The following SLC37A2 variants were observed in gnomAD, a reference collection of about 807,000 sequenced individuals.
SLC37A2 encodes solute carrier family 37 member 2.
SLC37A2 carries 59 observed loss-of-function variants against 70.7 expected under a neutral mutation model. The observed-to-expected ratio is 0.83, with a 90% confidence interval of 0.68 to 1.04. SLC37A2 has a LOEUF of 1.04. Ranked by LOEUF, SLC37A2 falls within the 50% of genes least tolerant of loss-of-function variation. The pLI is 0.00. For missense variants in SLC37A2, 580 were observed against 658.1 expected (o/e 0.88, Z 1.30); for synonymous variants, 257 against 262.1 (o/e 0.98, Z 0.19).
rs1949131394 is a variant in SLC37A2, at chr11:125,080,158, A to G, written c.527+398A>G. ...TGGACCCTTGTTTGGGGACTGTCCT[A>G]CCACTGCAGGCTGTTTAGTAGTAGC... On this transcript the variant is annotated intron_variant, in intron 6 of 17. Transcript: ENST00000403796. The surrounding 1 kb of genome is among the most constrained non-coding windows in gnomAD (Gnocchi z 4.3). 6.6e-6 allele frequency among the ~76,000 whole-genome samples: 1 copy of G among 152,078 alleles called. No individual in the cohort carries two copies.
Position 125,083,917 on chromosome 11 carries a change from C to G in SLC37A2, c.1039+40C>G. The G allele has an allele frequency of 6.3e-7, 1 of 1,599,436 alleles. No individual in the cohort carries two copies. Among genetic ancestry groups the G allele is most frequent in the African/African-American group, 1.3e-5 (1 of 74,756 alleles). The stretch of plus-strand genomic sequence containing the variant: ...TGCTCTGCCAGCAGGCTCCCTTCCC[C>G]TCTTTTCTTGTGGGGTGCAGGAAGA... On this transcript the variant is annotated intron_variant, in intron 11 of 17. Coordinates refer to ENST00000403796, the MANE Select transcript of SLC37A2 (RefSeq NM_001145290.2). This position sits in a 1 kb window ranked among gnomAD's most constrained non-coding sequence, Gnocchi z 4.6.
In SLC37A2 at chr11:125,086,030, G is replaced by T; in HGVS notation, c.1490+12G>T. On this transcript the variant is annotated intron_variant, in intron 17 of 17. Transcript: ENST00000403796. ...AGCAGAGGCAGCGGGTGAGTCCGGG[G>T]AGCTGAAGCTGCCCCTCTACCAACC... 6.2e-7 allele frequency: 1 copy of T among 1,612,154 alleles called. No individual in the cohort carries two copies. Among genetic ancestry groups the T allele is most frequent in the Admixed American group, 1.7e-5 (1 of 60,026 alleles).
chr11:125,076,177 A>C (rs1565396392), intron 1 of SLC37A2, among the ~76,000 whole-genome samples: 1 of 152,242 alleles, frequency 6.6e-6, no homozygotes, highest in East Asian at 1.9e-4. Context: ...GGCTCTGTCC[A>C]GTGGGATGGA....
chr11:125,072,788 T>C (rs1369034662), intron 1 of SLC37A2, among the ~76,000 whole-genome samples: 1 of 152,204 alleles, frequency 6.6e-6, no homozygotes, highest in African/African-American at 2.4e-5. Flanking sequence ...GGCACCTTGA[T>C]CTTTCTCTTA....
At chr11:125,069,621 A>G (rs1318045716) in intron 1 of SLC37A2, among the ~76,000 whole-genome samples, 4 of 152,228 alleles carry the variant, frequency 2.6e-5, no homozygotes, top group Non-Finnish European at 4.4e-5. Context: ...TGTTCTGAGC[A>G]GAGGTCACAG....
intron 1 of SLC37A2, among the ~76,000 whole-genome samples, chr11:125,067,935 G>A (rs918309830): frequency 1.3e-5 from 2 of 152,126 alleles, no homozygotes; most frequent in African/African-American, 4.8e-5. Flanking sequence ...TGCCACGATT[G>A]TTCCTAGTAG....
At chr11:125,069,637 G>GC (rs1305282639) in intron 1 of SLC37A2, among the ~76,000 whole-genome samples, 1 of 152,244 alleles carries the variant, frequency 6.6e-6, no homozygotes, top group Non-Finnish European at 1.5e-5. Context: ...CACAGAGCCA[G>GC]CAAAGGCATG....
rs770254575 is a variant in SLC37A2, at chr11:125,063,372, G to A, written c.5G>A (p.Arg2Gln). 3.1e-6 allele frequency: 5 copies of A among 1,611,650 alleles called. No individual in the cohort carries two copies. Among genetic ancestry groups the A allele is most frequent in the Non-Finnish European group, 4.2e-6 (5 of 1,179,100 alleles). The change falls in exon 1 of 18, where the codon CGG becomes CAG. Residue 2 changes from arginine (R) to glutamine (Q), a missense_variant. By Grantham distance (43) the Arg-to-Gln change is conservative (BLOSUM62 1). Transcript: ENST00000403796. This position sits in a 1 kb window ranked among gnomAD's most constrained non-coding sequence, Gnocchi z 5.4. The part of the protein sequence containing the change: M[R>Q]SSLAPGVWFF... ...CTTAGGTACCGGTCAGGCAAAATGC[G>A]GTCCTCCCTGGCTCCGGGAGTCTGG... is the stretch of plus-strand genomic sequence containing the variant.
rs755737985 is a variant in SLC37A2 at position 125,081,440 on chromosome 11, C to T, written c.714C>T (p.Cys238=). The T allele has an allele frequency of 1.9e-5, 30 of 1,608,594 alleles. No homozygotes were observed. The highest frequency in any genetic ancestry group is 6.7e-5 in the South Asian group (6 of 90,106). Reference sequence around the variant, plus strand: ...TTCTAGACCCAGAAGATGTGGACTGCGCCCCTCCTCAGCACCACGTGAGTG... The same window carrying T: ...TTCTAGACCCAGAAGATGTGGACTGTGCCCCTCCTCAGCACCACGTGAGTG... ...FLIEHPEDVD[C]APPQHHGEPA... is the part of the protein sequence containing the mutation. Residue 238 remains cysteine, a synonymous_variant, in exon 8 of 18, where the codon TGC becomes TGT. Coordinates refer to ENST00000403796, the MANE Select transcript of SLC37A2 (RefSeq NM_001145290.2).
chr11:125,085,218 CCT>C, intron 14 of SLC37A2, 79 bp downstream of exon 14: 1 of 1,440,316 alleles, frequency 6.9e-7, no homozygotes, highest in Non-Finnish European at 9.7e-7. Context: ...TCCATTTCTC[CCT>C]GTCTCCCATC....
rs774816810 is a variant in SLC37A2 at position 125,081,477 on chromosome 11, A to G, written c.732+19A>G. ...GCACCACGTGAGTGTGAGCCCTCCCAGCCCTATCCCTGCCCTCCAACTCCA... is the reference window on the plus strand; with the variant it reads ...GCACCACGTGAGTGTGAGCCCTCCCGGCCCTATCCCTGCCCTCCAACTCCA... On this transcript the variant is annotated intron_variant, in intron 8 of 17. Coordinates refer to ENST00000403796, the MANE Select transcript of SLC37A2 (RefSeq NM_001145290.2). The G allele has an allele frequency of 1.2e-6, 2 of 1,605,032 alleles. No individual in the cohort carries two copies. Among genetic ancestry groups the G allele is most frequent in the South Asian group, 2.2e-5 (2 of 89,912 alleles).
intron 9 of SLC37A2, 54 bp from the exon 10 acceptor site, chr11:125,082,190 C>T: frequency 6.4e-7 from 1 of 1,572,180 alleles, no homozygotes; most frequent in South Asian, 1.1e-5. Context: ...GGGGCCACCA[C>T]TGAACCCAGG....
At position 125,082,320 on chromosome 11, in the gene SLC37A2, A is replaced by G; in HGVS notation, c.962A>G (p.Tyr321Cys). The G allele has an allele frequency of 6.2e-7, 1 of 1,613,654 alleles. No homozygotes were observed. Among genetic ancestry groups the G allele is most frequent in the Non-Finnish European group, 8.5e-7 (1 of 1,179,818 alleles). ...ACCTTCCTCTACTGGCTGCCCCTCT[A>G]CATCGCCAATGTGGGTAAGTCCAAG... is the stretch of plus-strand genomic sequence containing the variant. ...SYTFLYWLPL[Y>C]IANVAHFSAK... The change falls in exon 10 of 18, where the codon TAC becomes TGC. Residue 321 changes from tyrosine to cysteine, a missense_variant. Tyr to Cys is a radical substitution (Grantham distance 194). Transcript: ENST00000403796.
In SLC37A2 at chr11:125,088,935, A is replaced by G. The variant is rs1157430242; in HGVS notation, c.*801A>G. On this transcript the variant is annotated 3_prime_UTR_variant, in exon 18 of 18. Coordinates refer to ENST00000403796, the MANE Select transcript of SLC37A2 (RefSeq NM_001145290.2). ...TAAGTATTTTGAGAATGAAATGCCA[A>G]GGAGTGCCTACTATATGCCAGCTCT... 1.7e-5 allele frequency: 2 copies of G among 117,196 alleles called. No homozygotes were observed. Among genetic ancestry groups the G allele is most frequent in the African/African-American group, 3.9e-5 (1 of 25,720 alleles). The allele number at this position is 117,196 out of a possible 1,614,324, so 7.3% of individuals were successfully genotyped here.
chr11:125,074,556 C>T (rs1949063035), intron 1 of SLC37A2, among the ~76,000 whole-genome samples: 1 of 151,348 alleles, frequency 6.6e-6, no homozygotes, highest in African/African-American at 2.4e-5. Context: ...TAAGGAAGAA[C>T]ACCTGGGGCC....
intron 15 of SLC37A2, 50 bp from the exon 16 acceptor site, chr11:125,085,527 T>A: frequency 2.5e-6 from 4 of 1,612,094 alleles, no homozygotes; most frequent in Non-Finnish European, 3.4e-6. Context: ...TGCCCTCCGG[T>A]GGGCAGGGGA....
At chr11:125,086,204 C>T (rs1389047358) in intron 17 of SLC37A2, 186 bp downstream of exon 17, 4 of 1,612,328 alleles carry the variant, frequency 2.5e-6, no homozygotes, top group Non-Finnish European at 3.4e-6. Context: ...ATCTCTATAG[C>T]TCTAGTATGG....
At chr11:125,077,571 TA>T in intron 4 of SLC37A2, 43 bp downstream of exon 4, 1 of 1,522,560 alleles carries the variant, frequency 6.6e-7, no homozygotes. Flanking sequence ...GAGGATGGTT[TA>T]GAGCTGCTAC....
Position 125,063,484 on chromosome 11 carries a change from G to A in SLC37A2, c.59+58G>A. The A allele has an allele frequency of 2.7e-6, 4 of 1,487,254 alleles. No individual in the cohort carries two copies. Among genetic ancestry groups the A allele is most frequent in the South Asian group, 1.2e-5 (1 of 83,986 alleles). 92.1% of individuals were successfully genotyped at this position (1,487,254 alleles called of 1,614,324 possible). ...ACCTCCTGGGCTCGGGGCTTGCAGG[G>A]GCCGCGGGGGGCCTCGGAGATCACC... On this transcript the variant is annotated intron_variant, in intron 1 of 17. Coordinates refer to ENST00000403796, the MANE Select transcript of SLC37A2 (RefSeq NM_001145290.2). This position sits in a 1 kb window ranked among gnomAD's most constrained non-coding sequence, Gnocchi z 5.4.
Sources: gnomAD v4.1 joint callset for allele counts (sites outside exome capture counted in the v4.1 genomes callset) on GRCh38, gnomAD v4.1.1 for gene constraint, Gnocchi (gnomAD v3.1) non-coding constraint, MANE v1.5 for transcripts, NCBI Gene and HGNC (gene_info 2026-07-23, HGNC 2026-07-21) for gene names.